Variants in UTS2 observed in about 807,000 individuals in gnomAD.
UTS2 encodes the protein urotensin-2.
A neutral mutation model predicts 12.6 loss-of-function variants in UTS2; 10 were observed. That is an observed-to-expected ratio of 0.80 (90% CI 0.49 to 1.35). The LOEUF (loss-of-function observed/expected upper bound fraction) is 1.35, where lower values mean the gene tolerates loss of function less well. UTS2 is among the 40% of genes most tolerant of loss of function. The pLI, the probability that UTS2 is intolerant of heterozygous loss-of-function variation, is 0.00. For missense variants in UTS2, 142 were observed against 143.2 expected (o/e 0.99, Z 0.04); for synonymous variants, 52 against 50.0 (o/e 1.04, Z -0.17).
At chr1:7,867,284 TG>T in the UTS2 span, among the ~76,000 whole-genome samples, 1 of 152,340 alleles carries the variant, frequency 6.6e-6, no homozygotes, top group Admixed American at 6.5e-5. Context: ...CACCGAATTG[TG>T]TTGGCCCCTA....
chr1:7,873,919 TA>T, the UTS2 span, among the ~76,000 whole-genome samples: 1 of 152,120 alleles, frequency 6.6e-6, no homozygotes, highest in Non-Finnish European at 1.5e-5. Flanking sequence ...ATCATTGTCT[TA>T]TTTTTTTTTT....
the UTS2 span, among the ~76,000 whole-genome samples, chr1:7,880,547 C>A: frequency 6.6e-6 from 1 of 152,068 alleles, no homozygotes; most frequent in African/African-American, 2.4e-5. Context: ...TAAACACTAA[C>A]AATTTGGAGC....
chr1:7,912,559 T>C, the UTS2 span, among the ~76,000 whole-genome samples: 3 of 152,188 alleles, frequency 2.0e-5, no homozygotes, highest in Admixed American at 2.0e-4. Flanking sequence ...GTTCAAGTGA[T>C]TCTTCTGCCT....
intron 2 of UTS2, 138 bp from the exon 3 acceptor site, chr1:7,849,821 GCAGA>G (rs1160749864): frequency 1.3e-5 from 9 of 706,894 alleles, no homozygotes; most frequent in Non-Finnish European, 2.0e-5. Context: ...TTTCTTGAAT[GCAGA>G]CAGACAGGCA....
chr1:7,887,601 A>G, the UTS2 span, among the ~76,000 whole-genome samples: 8 of 149,122 alleles, frequency 5.4e-5, no homozygotes, highest in Non-Finnish European at 1.0e-4. Context: ...ACAAAAAAAA[A>G]AAAAAAAAAA....
At chr1:7,892,498 C>T in the UTS2 span, among the ~76,000 whole-genome samples, 2 of 99,838 alleles carry the variant, frequency 2.0e-5, no homozygotes, top group Non-Finnish European at 3.7e-5. Context: ...TTTTTTGAGA[C>T]GGAGTGTCAC....
chr1:7,902,987 T>TTCTCCCTC, the UTS2 span, among the ~76,000 whole-genome samples: 23 of 141,580 alleles, frequency 1.6e-4, no homozygotes, highest in Admixed American at 6.8e-4. Context: ...TGTCTGGCTT[T>TTCTCCCTC]TCTCCCTCCC....
chr1:7,893,902 T>G, the UTS2 span, among the ~76,000 whole-genome samples: 4,450 of 152,272 alleles, frequency 0.029, 206 homozygotes, highest in African/African-American at 0.1. Flanking sequence ...ATGCCACAAT[T>G]GGGAAATGAT....
chr1:7,900,479 A>C, the UTS2 span, among the ~76,000 whole-genome samples: 1 of 152,150 alleles, frequency 6.6e-6, no homozygotes, highest in Non-Finnish European at 1.5e-5. Context: ...GAAACACCAC[A>C]TTAATATTTT....
rs149261904 is a variant in UTS2 at position 7,848,602 on chromosome 1, C to T, written c.259-720G>A. 5.2e-3 allele frequency among the ~76,000 whole-genome samples: 795 copies of T among 152,156 alleles called. 5 individuals are homozygous for T. The highest frequency in any genetic ancestry group is 0.01 in the Middle Eastern group (3 of 294). On this transcript the variant is annotated intron_variant, in intron 3 of 3. Transcript: ENST00000361696. The stretch of plus-strand genomic sequence containing the variant: ...GTAGTGCGATCTCCTCTCACTGCAA[C>T]CCCCGCCTCCAGGTTCAAGTGATCC...
chr1:7,875,545 T>C, the UTS2 span, among the ~76,000 whole-genome samples: 50 of 152,048 alleles, frequency 3.3e-4, no homozygotes, highest in African/African-American at 1.2e-3. Flanking sequence ...GGCTGGGAGA[T>C]TGAACACCCA....
chr1:7,912,484 C>T, the UTS2 span, among the ~76,000 whole-genome samples: 1 of 152,122 alleles, frequency 6.6e-6, no homozygotes, highest in Non-Finnish European at 1.5e-5. Flanking sequence ...GATGAAATCT[C>T]ACTCTGTTGC....
At chr1:7,874,311 T>G in the UTS2 span, among the ~76,000 whole-genome samples, 30 of 152,020 alleles carry the variant, frequency 2.0e-4, no homozygotes, top group Admixed American at 2.0e-3. Context: ...CAAAGAGGGA[T>G]TTTATGATGG....
chr1:7,863,017 TGTATTGTATTGTATTGTATTGTATTG>T, the UTS2 span, among the ~76,000 whole-genome samples: 2 of 23,432 alleles, frequency 8.5e-5, no homozygotes, highest in African/African-American at 1.3e-4. Flanking sequence ...TGTATTGTAT[TGTATTGTATTGTATTGTATTGTATTG>T]TATTGTATTG....
chr1:7,889,442 C>CAAAAAAAAAAAAAAAAAAA, the UTS2 span, among the ~76,000 whole-genome samples: 1 of 85,402 alleles, frequency 1.2e-5, no homozygotes, highest in Non-Finnish European at 2.2e-5. Context: ...ATCTTATCAC[C>CAAAAAAAAAAAAAAAAAAA]AAAAAAAAAA....
chr1:7,867,482 G>A, the UTS2 span, among the ~76,000 whole-genome samples: 2 of 152,176 alleles, frequency 1.3e-5, no homozygotes, highest in African/African-American at 4.8e-5. Flanking sequence ...CATGCACACG[G>A]AGAAAGGACC....
the UTS2 span, among the ~76,000 whole-genome samples, chr1:7,889,517 A>C: frequency 2.0e-5 from 3 of 147,820 alleles, no homozygotes; most frequent in East Asian, 4.2e-4. Flanking sequence ...AATATGAGAA[A>C]GATCCGGCCA....
chr1:7,886,924 C>T, the UTS2 span, among the ~76,000 whole-genome samples: 1 of 151,524 alleles, frequency 6.6e-6, no homozygotes, highest in African/African-American at 2.4e-5. Context: ...GTGGCAGGTC[C>T]CTGCTACTCG....
the UTS2 span, among the ~76,000 whole-genome samples, chr1:7,886,414 TCTGTAA>T: frequency 1.3e-5 from 2 of 152,238 alleles, no homozygotes; most frequent in African/African-American, 4.8e-5. Flanking sequence ...GTAACCCACA[TCTGTAA>T]CTGTAACACA....
Sources: allele counts gnomAD v4.1 joint callset (sites outside exome capture counted in the v4.1 genomes callset), GRCh38; gene constraint gnomAD v4.1.1; transcripts MANE v1.5; gene names NCBI Gene and HGNC (gene_info 2026-07-23, HGNC 2026-07-21).